Variants in GCSAML observed in about 807,000 individuals in gnomAD.
GCSAML encodes germinal center associated signaling and motility like, also known as germinal center-associated signaling and motility-like protein.
A neutral mutation model predicts 13.0 loss-of-function variants in GCSAML; 9 were observed. That is an observed-to-expected ratio of 0.69 (90% CI 0.42 to 1.21). GCSAML has a LOEUF of 1.21. Ranked by LOEUF, GCSAML falls within the 50% of genes most tolerant of loss-of-function variation. The probability of loss-of-function intolerance (pLI) is 0.00; values close to 1 mark genes in which losing one functional copy is unlikely to be tolerated. For missense variants in GCSAML, 143 were observed against 153.4 expected (o/e 0.93, Z 0.36); for synonymous variants, 37 against 52.9 (o/e 0.70, Z 1.31).
At chr1:247,529,894 T>A (rs1432032248) in intron 2 of GCSAML, 1 of 152,204 alleles carries the variant, frequency 6.6e-6, no homozygotes, top group Non-Finnish European at 1.5e-5. Context: ...GACTTTGAAC[T>A]CAAGCTGCAA....
At chr1:247,550,592 C>A (rs4925683) in intron 1 of GCSAML, among the ~76,000 whole-genome samples, 19,090 of 151,840 alleles carry the variant, frequency 0.13, 1,614 homozygotes, top group African/African-American at 0.24. Flanking sequence ...AGCCGAGATC[C>A]CGCCACTGCA....
chr1:247,532,133 T>C, intron 2 of GCSAML: 1 of 1,614,054 alleles, frequency 6.2e-7, no homozygotes, highest in Non-Finnish European at 8.5e-7. Context: ...GGCCTGCAGA[T>C]GGCAGCGTAG....
intron 4 of GCSAML, among the ~76,000 whole-genome samples, chr1:247,572,325 C>T (rs1380349773): frequency 6.6e-6 from 1 of 152,160 alleles, no homozygotes; most frequent in African/African-American, 2.4e-5. Flanking sequence ...GCTTTTTCTT[C>T]ATCTTTGTGG....
intron 2 of GCSAML, chr1:247,532,480 T>C (rs763208283): frequency 8.7e-6 from 14 of 1,613,750 alleles, no homozygotes; most frequent in Non-Finnish European, 8.5e-7. Flanking sequence ...GACAAAGACT[T>C]CTGGAGAACT....
intron 2 of GCSAML, chr1:247,531,554 T>C: frequency 6.2e-7 from 1 of 1,613,110 alleles, no homozygotes; most frequent in East Asian, 2.2e-5. Context: ...AGTCTCTAAA[T>C]TTGCGCCAGC....
At chr1:247,546,421 C>T (rs570224153), upstream of GCSAML, among the ~76,000 whole-genome samples, 35 of 152,120 alleles carry the variant, frequency 2.3e-4, no homozygotes, top group South Asian at 8.3e-4. Context: ...TGCAGTGGCG[C>T]GATCTCGGCT....
At chr1:247,511,025 G>C (rs1422322307) in intron 1 of GCSAML, among the ~76,000 whole-genome samples, 1 of 152,210 alleles carries the variant, frequency 6.6e-6, no homozygotes, top group Non-Finnish European at 1.5e-5. Flanking sequence ...GCTTGGTCCA[G>C]AGCTGAGTTC....
chr1:247,552,628 C>G (rs1415547438), intron 1 of GCSAML, among the ~76,000 whole-genome samples: 1 of 152,178 alleles, frequency 6.6e-6, no homozygotes, highest in South Asian at 2.1e-4. Context: ...TTTATCCTCC[C>G]ATATAAATTT....
At chr1:247,562,660 C>T (rs182924499) in intron 2 of GCSAML, among the ~76,000 whole-genome samples, 15 of 152,126 alleles carry the variant, frequency 9.9e-5, no homozygotes, top group Admixed American at 2.6e-4. Context: ...AAGTTATATC[C>T]TTTTTTCATA....
intron 2 of GCSAML, among the ~76,000 whole-genome samples, chr1:247,561,208 C>T (rs1668115312): frequency 6.6e-6 from 1 of 152,134 alleles, no homozygotes; most frequent in South Asian, 2.1e-4. Context: ...TCTGCCTTTG[C>T]CTCCCAAAGT....
intron 2 of GCSAML, among the ~76,000 whole-genome samples, chr1:247,541,449 A>G (rs759760979): frequency 4.6e-5 from 7 of 152,138 alleles, no homozygotes; most frequent in Non-Finnish European, 1.0e-4. Context: ...ATCATGGCCT[A>G]TATGGAGTAC....
In GCSAML at chr1:247,556,563, C is replaced by T. The variant is rs1374480689; in HGVS notation, c.89+97C>T. The T allele has an allele frequency of 2.7e-5, 21 of 779,380 alleles. No individual in the cohort carries two copies. In the Admixed American group the frequency reaches 5.3e-4, roughly 20 times the overall value. The allele number at this position is 779,380 out of a possible 1,614,324, so 48.3% of individuals were successfully genotyped here. A position where few individuals can be genotyped will look rare whatever the true frequency, so the allele number is the denominator to read the frequency against. On this transcript the variant is annotated intron_variant, in intron 2 of 4. Coordinates refer to ENST00000366488, the MANE Select transcript of GCSAML (RefSeq NM_145278.5). ...TCTCTGCCCCACTAGAACTAACACC[C>T]CTTAGGGCCGCTATAATAGAGTTCT...
chr1:247,565,345 G>A (rs981546846), intron 3 of GCSAML, among the ~76,000 whole-genome samples: 2 of 150,304 alleles, frequency 1.3e-5, no homozygotes, highest in Non-Finnish European at 1.5e-5. Flanking sequence ...GCGACAGAGC[G>A]AGAATCTGTC....
At chr1:247,538,216 A>G (rs1008661753) in intron 2 of GCSAML, among the ~76,000 whole-genome samples, 2 of 152,188 alleles carry the variant, frequency 1.3e-5, no homozygotes, top group African/African-American at 2.4e-5. Flanking sequence ...GTGTCTATCC[A>G]GTTGTGTTGA....
At chr1:247,522,218 C>T (rs1351100602) in intron 1 of GCSAML, among the ~76,000 whole-genome samples, 4 of 148,360 alleles carry the variant, frequency 2.7e-5, no homozygotes, top group Admixed American at 1.3e-4. Flanking sequence ...GGGCAGCCCC[C>T]GCCCAGCCAG....
chr1:247,520,164 TC>T (rs1461564284), intron 1 of GCSAML, among the ~76,000 whole-genome samples: 9 of 152,230 alleles, frequency 5.9e-5, no homozygotes, highest in African/African-American at 2.2e-4. Context: ...ACTACTTAGT[TC>T]CTGTAATGGC....
intron 2 of GCSAML, among the ~76,000 whole-genome samples, chr1:247,534,057 C>T (rs567418669): frequency 3.0e-4 from 45 of 152,274 alleles, no homozygotes; most frequent in Non-Finnish European, 4.4e-4. Flanking sequence ...TGAAAAGTCA[C>T]CTTCTGACTG....
At chr1:247,528,995 G>A (rs1431172266) in intron 2 of GCSAML, 1 of 152,156 alleles carries the variant, frequency 6.6e-6, no homozygotes, top group Admixed American at 6.5e-5. Flanking sequence ...TTGAGCCTAT[G>A]AGAAATTTAA....
intron 1 of GCSAML, among the ~76,000 whole-genome samples, chr1:247,553,441 G>A (rs182372473): frequency 2.2e-3 from 327 of 152,016 alleles, no homozygotes; most frequent in African/African-American, 7.5e-3. Context: ...GCATAGTTAT[G>A]TCAGAATTCT....
Sources: gnomAD v4.1 joint callset for allele counts (sites outside exome capture counted in the v4.1 genomes callset) on GRCh38, gnomAD v4.1.1 for gene constraint, MANE v1.5 for transcripts, NCBI Gene and HGNC (gene_info 2026-07-23, HGNC 2026-07-21) for gene names.